Variants in SF3B3 observed in about 807,000 individuals in gnomAD.
The protein encoded by SF3B3 is SAP 130.
In SF3B3, 33 loss-of-function variants were observed where a neutral mutation model predicts 139.2. The ratio of observed to expected loss-of-function variants is 0.24; its 90% CI spans 0.18 to 0.32. SF3B3 has a LOEUF of 0.32. Ranked by LOEUF, SF3B3 falls within the 10% of genes least tolerant of loss-of-function variation. SF3B3 has a pLI of 1.00. For synonymous variants in SF3B3, 596 were observed against 563.6 expected (o/e 1.06, Z -0.81); for missense variants, 818 against 1,509.4 (o/e 0.54, Z 7.59).
At chr16:70,568,516 T>G (rs780501629) in intron 22 of SF3B3, 21 bp downstream of exon 22, 3 of 1,587,208 alleles carry the variant, frequency 1.9e-6, no homozygotes, top group Non-Finnish European at 2.6e-6. Context: ...GTTGTTAACT[T>G]GGGTTACAGT....
rs773694500 is a variant in SF3B3 at position 70,567,382 on chromosome 16, TA to T, written c.2827-28del. On this transcript the variant is annotated intron_variant, in intron 20 of 25. Coordinates refer to ENST00000302516, the MANE Select transcript of SF3B3 (RefSeq NM_012426.5). ...GCCTGTGTCTGGCTGGCATTTATAATAGCTGTATTACCTGCTTTTCCTCTAT... is the reference window on the plus strand; with the variant it reads ...GCCTGTGTCTGGCTGGCATTTATAATGCTGTATTACCTGCTTTTCCTCTAT... The T allele has an allele frequency of 8.8e-6, 14 of 1,597,144 alleles. 1 individual carries two copies. The South Asian group carries it at 1.6e-4, about 18-fold the overall frequency.
At chr16:70,551,205 G>A (rs1198757763) in intron 11 of SF3B3, among the ~76,000 whole-genome samples, 3 of 152,060 alleles carry the variant, frequency 2.0e-5, no homozygotes, top group African/African-American at 7.2e-5. Flanking sequence ...CCCTCCTCTG[G>A]GGTCCTTAGC....
Position 70,565,451 on chromosome 16 carries a change from G to A in SF3B3, c.2753G>A (p.Arg918Gln), listed in dbSNP as rs376990758. Residue 918 changes from arginine to glutamine, a missense_variant, in exon 20 of 26, where the codon CGA becomes CAA. By Grantham distance (43) the Arg-to-Gln change is conservative. Transcript: ENST00000302516. ...GCCAAGGACCTGATACTAAACCCCC[G>A]ATCTGTGGCAGGGGGCTTCGTCTAT... ...GVAKDLILNP[R>Q]SVAGGFVYTY... is the part of the protein sequence containing the mutation. The A allele has an allele frequency of 1.4e-5, 22 of 1,614,138 alleles. No homozygotes were observed. Among genetic ancestry groups the A allele is most frequent in the African/African-American group, 9.3e-5 (7 of 75,058 alleles).
intron 5 of SF3B3, 36 bp from the exon 6 acceptor site, chr16:70,535,272 G>C: frequency 8.9e-7 from 1 of 1,129,146 alleles, no homozygotes; most frequent in Non-Finnish European, 1.3e-6. Context: ...TCATGTCTGA[G>C]TCAAAGTCAC....
intron 3 of SF3B3, 58 bp from the exon 4 acceptor site, chr16:70,530,687 A>G (rs751939785): frequency 6.9e-5 from 97 of 1,397,784 alleles, no homozygotes; most frequent in Middle Eastern, 1.8e-4. Flanking sequence ...TAGCTGTTCT[A>G]TAAGTCTCTC....
intron 2 of SF3B3, among the ~76,000 whole-genome samples, chr16:70,528,355 G>A (rs1363502641): frequency 2.7e-5 from 4 of 148,512 alleles, no homozygotes; most frequent in Non-Finnish European, 5.9e-5. Context: ...AGTAGAGATG[G>A]GATCCCACCA....
intron 4 of SF3B3, 68 bp from the exon 5 acceptor site, chr16:70,532,411 T>C (rs1273724545): frequency 7.2e-7 from 1 of 1,389,198 alleles, no homozygotes. Context: ...TAAATTGGAG[T>C]CCTGATGTCC....
chr16:70,564,015 G>T lies in SF3B3; in HGVS notation c.2428G>T (p.Ala810Ser), dbSNP rs765317316. Residue 810 changes from alanine (A) to serine (S), a missense_variant, in exon 18 of 26, where the codon GCC (alanine) becomes TCC (serine). Around this residue, in one of 14 missense-constraint regions of SF3B3, gnomAD observed 34 missense variants for 30.5 expected, o/e 1.12. Transcript: ENST00000302516. ...IETDHNAYTEATKAQRKQQMA... is the reference protein window; with the variant it reads ...IETDHNAYTESTKAQRKQQMA... ...AACGGACCACAATGCCTACACTGAG[G>T]CCACGAAAGCTCAGAGAAAGCAGCA... 35 of 1,613,962 alleles carry T rather than the reference G, an allele frequency of 2.2e-5. No individual in the cohort carries two copies. Among genetic ancestry groups the T allele is most frequent in the Non-Finnish European group, 2.7e-5 (32 of 1,180,026 alleles).
At chr16:70,547,718 C>G (rs1455313825) in intron 10 of SF3B3, among the ~76,000 whole-genome samples, 21 of 152,166 alleles carry the variant, frequency 1.4e-4, no homozygotes. Flanking sequence ...CTCAGCCTCC[C>G]GAGTAGCTGG....
At chr16:70,565,962 C>G (rs1387342731) in intron 20 of SF3B3, among the ~76,000 whole-genome samples, 1 of 151,712 alleles carries the variant, frequency 6.6e-6, no homozygotes, top group African/African-American at 2.4e-5. Context: ...ACTAAAAATA[C>G]AAAAATCAGC....
At chr16:70,525,957 CAAAAAAAAAAAAAA>C (rs920550920) in intron 1 of SF3B3, among the ~76,000 whole-genome samples, 1 of 42,266 alleles carries the variant, frequency 2.4e-5, no homozygotes, top group Non-Finnish European at 4.6e-5. Flanking sequence ...TGAGACGCCT[CAAAAAAAAAAAAAA>C]AAAAAAAAAG....
intron 22 of SF3B3, 70 bp downstream of exon 22, chr16:70,568,565 G>C (rs1259475774): frequency 4.1e-6 from 5 of 1,231,484 alleles, no homozygotes; most frequent in Non-Finnish European, 5.9e-6. Flanking sequence ...TGTGGGTAAA[G>C]CCAAGGAGGA....
intron 11 of SF3B3, chr16:70,550,725 CAAGGAGAGGGA>C (rs1567418131): frequency 3.2e-6 from 3 of 944,562 alleles, no homozygotes; most frequent in Admixed American, 6.2e-5. Context: ...ATAGTTTATC[CAAGGAGAGGGA>C]CCTGCACAAA....
rs773559038 is a variant in SF3B3, at chr16:70,529,175, C to T, written c.373C>T (p.Pro125Ser). The T allele has an allele frequency of 6.2e-7, 1 of 1,613,424 alleles. No homozygotes were observed. The highest frequency in any genetic ancestry group is 1.7e-5 in the Admixed American group (1 of 59,954). ...IVPGQFLAVDPKGRAVMISAI... is the reference protein window; with the variant it reads ...IVPGQFLAVDSKGRAVMISAI... ...TCCTGGCCAGTTCTTAGCTGTGGATCCCAAAGGGCGAGCCGTTATGATTAG... is the reference window on the plus strand; with the variant it reads ...TCCTGGCCAGTTCTTAGCTGTGGATTCCAAAGGGCGAGCCGTTATGATTAG... Residue 125 changes from proline to serine, a missense_variant, in exon 3 of 26, where the codon CCC (proline) becomes TCC (serine). By Grantham distance (74) the Pro-to-Ser change is moderately conservative. This residue lies in a region of SF3B3 where 144 missense variants were observed against 259.2 expected (regional missense o/e 0.56). Coordinates refer to ENST00000302516, the MANE Select transcript of SF3B3 (RefSeq NM_012426.5).
At chr16:70,566,073 C>T (rs944407179) in intron 20 of SF3B3, among the ~76,000 whole-genome samples, 1 of 150,642 alleles carries the variant, frequency 6.6e-6, no homozygotes, top group Non-Finnish European at 1.5e-5. Flanking sequence ...GCCGAGATTG[C>T]GCCATTGCAC....
Position 70,557,019 on chromosome 16 carries a change from T to C in SF3B3, c.2000T>C (p.Ile667Thr). 3 of 1,610,826 alleles carry C rather than the reference T, an allele frequency of 1.9e-6. No homozygotes were observed. Among genetic ancestry groups the C allele is most frequent in the Non-Finnish European group, 2.5e-6 (3 of 1,178,744 alleles). The change falls in exon 15 of 26, where the codon ATT becomes ACT. Residue 667 changes from isoleucine (I) to threonine (T), a missense_variant. This residue lies in a region of SF3B3 where 170 missense variants were observed against 353.0 expected (regional missense o/e 0.48). Coordinates refer to ENST00000302516, the MANE Select transcript of SF3B3 (RefSeq NM_012426.5). ...RGSIGFLYLN[I>T]GLQNGVLLRT... ...TCGATTGGCTTCCTATACCTGAATA[T>C]TGGGCTACAGGTAAGAGATCCAGAG...
At position 70,576,463 on chromosome 16, in the gene SF3B3, TGAAAG is replaced by T. The variant is rs2050581484; in HGVS notation, c.*4653_*4657del. ...CCCTTCTCTGACTGCAGTCTCATAA[TGAAAG>T]GAGAGGTGCTTTCAGTTGGGTCATT... On this transcript the variant is annotated 3_prime_UTR_variant, in exon 26 of 26. Transcript: ENST00000302516. The T allele has an allele frequency of 6.6e-6, 1 of 152,186 alleles. No homozygotes were observed. The highest frequency in any genetic ancestry group is 2.4e-5 in the African/African-American group (1 of 41,440). The allele number at this position is 152,186 out of a possible 1,614,324, so 9.4% of individuals were successfully genotyped here.
chr16:70,549,641 T>C (rs1567417617), intron 11 of SF3B3, among the ~76,000 whole-genome samples: 1 of 152,170 alleles, frequency 6.6e-6, no homozygotes, highest in Non-Finnish European at 1.5e-5. Flanking sequence ...AAAACAGATT[T>C]AGGGCCAGGT....
intron 11 of SF3B3, among the ~76,000 whole-genome samples, chr16:70,550,851 G>C (rs2050318273): frequency 6.6e-6 from 1 of 152,204 alleles, no homozygotes; most frequent in African/African-American, 2.4e-5. Context: ...CAGATGGTCT[G>C]AGGCAGGAGT....
Sources: allele counts gnomAD v4.1 joint callset (sites outside exome capture counted in the v4.1 genomes callset), GRCh38; gene constraint gnomAD v4.1.1; regional missense constraint gnomAD v4.1.1; transcripts MANE v1.5; gene names NCBI Gene and HGNC (gene_info 2026-07-23, HGNC 2026-07-21).